BCAS1: variants seen among roughly 807,000 people sequenced by gnomAD.
The protein encoded by BCAS1 is brain enriched myelin associated protein 1.
BCAS1 carries 46 observed loss-of-function variants against 65.4 expected under a neutral mutation model. That is an observed-to-expected ratio of 0.70 (90% confidence interval 0.55 to 0.90). The LOEUF is 0.90. BCAS1 is among the 40% of genes least tolerant of loss of function. The pLI is 0.00. For missense variants in BCAS1, 793 were observed against 771.2 expected, an observed-to-expected ratio of 1.03 and a Z score of -0.33; for synonymous variants, 298 against 293.5, an observed-to-expected ratio of 1.02 and a Z score of -0.16.
At chr20:54,026,106 A>C (rs1321885890) in intron 4 of BCAS1, among the ~76,000 whole-genome samples, 1 of 152,244 alleles carries the variant, frequency 6.6e-6, no homozygotes, top group Admixed American at 6.5e-5. Context: ...ACAAAATCAG[A>C]TGCAGACTTC....
intron 3 of BCAS1, among the ~76,000 whole-genome samples, chr20:54,053,107 A>G (rs1017248575): frequency 1.3e-5 from 2 of 152,240 alleles, no homozygotes; most frequent in African/African-American, 4.8e-5. Context: ...ATCACATGGT[A>G]TGTTGTTTTA....
chr20:54,036,997 C>T (rs538707051), intron 3 of BCAS1, among the ~76,000 whole-genome samples: 1 of 151,338 alleles, frequency 6.6e-6, no homozygotes, highest in Admixed American at 6.6e-5. Context: ...TTTAAACATA[C>T]ATGCACACAC....
At chr20:54,061,726 C>A (rs143695854) in intron 1 of BCAS1, among the ~76,000 whole-genome samples, 185 of 152,310 alleles carry the variant, frequency 1.2e-3, no homozygotes, top group African/African-American at 4.3e-3. Flanking sequence ...CATAATAAAG[C>A]TGAGCACTGT....
At chr20:54,014,796 TCGA>T (rs1353536246) in intron 4 of BCAS1, among the ~76,000 whole-genome samples, 1 of 152,202 alleles carries the variant, frequency 6.6e-6, no homozygotes. Context: ...CACAGAGGGT[TCGA>T]TTTGCTGGAC....
At chr20:54,052,780 C>A (rs919455574) in intron 3 of BCAS1, among the ~76,000 whole-genome samples, 2 of 152,084 alleles carry the variant, frequency 1.3e-5, no homozygotes, top group African/African-American at 4.8e-5. Context: ...GACTTCCCAG[C>A]CTCTAGAACT....
intron 4 of BCAS1, among the ~76,000 whole-genome samples, chr20:54,008,388 T>C (rs2091248507): frequency 6.6e-6 from 1 of 152,152 alleles, no homozygotes; most frequent in Non-Finnish European, 1.5e-5. Flanking sequence ...CTCTCCCCAC[T>C]GGGGTGGTGT....
At chr20:53,953,096 C>T (rs572546350) in intron 12 of BCAS1, among the ~76,000 whole-genome samples, 2 of 152,330 alleles carry the variant, frequency 1.3e-5, no homozygotes, top group South Asian at 4.1e-4. Flanking sequence ...ATGACGATTA[C>T]TTCTACATGC....
intron 8 of BCAS1, among the ~76,000 whole-genome samples, chr20:53,977,544 T>C (rs2090365741): frequency 6.6e-6 from 1 of 152,228 alleles, no homozygotes; most frequent in African/African-American, 2.4e-5. Context: ...TTTTTATCTT[T>C]GATTGCCTGT....
intron 3 of BCAS1, among the ~76,000 whole-genome samples, chr20:54,044,138 G>C (rs79341680): frequency 0.01 from 1,539 of 152,316 alleles, 32 homozygotes; most frequent in African/African-American, 0.034. Flanking sequence ...TTGTAGGTGT[G>C]TTTATTCTAT....
intron 12 of BCAS1, 108 bp downstream of exon 12, chr20:53,953,324 G>A (rs758627293): frequency 1.5e-5 from 20 of 1,369,936 alleles, no homozygotes; most frequent in South Asian, 5.5e-5. Flanking sequence ...TGATAGACCC[G>A]GGATCCCAGT....
At chr20:53,954,150 C>T (rs2089621370) in intron 11 of BCAS1, among the ~76,000 whole-genome samples, 1 of 152,136 alleles carries the variant, frequency 6.6e-6, no homozygotes, top group Non-Finnish European at 1.5e-5. Flanking sequence ...CAGAGCTTTG[C>T]TGAAATGAGA....
At chr20:54,065,414 G>T (rs189303949) in intron 1 of BCAS1, among the ~76,000 whole-genome samples, 37 of 152,296 alleles carry the variant, frequency 2.4e-4, no homozygotes, top group African/African-American at 8.9e-4. Context: ...TTTTGGCCCC[G>T]AAGGGGCATT....
At chr20:53,947,879 T>C (rs1005897088) in intron 12 of BCAS1, among the ~76,000 whole-genome samples, 43 of 152,302 alleles carry the variant, frequency 2.8e-4, no homozygotes, top group African/African-American at 1.0e-3. Context: ...AAAATAGCCT[T>C]TCCTGACTAG....
chr20:54,017,912 A>AAAAC lies in BCAS1; in HGVS notation c.723+10476_723+10479dup, dbSNP rs374452989. Among the ~76,000 whole-genome samples the AAAAC allele has an allele frequency of 2.9e-3, 449 of 152,314 alleles. 1 individual carries two copies. Among genetic ancestry groups the AAAAC allele is most frequent in the African/African-American group, 0.01 (431 of 41,570 alleles). On this transcript the variant is annotated intron_variant, in intron 4 of 12. Coordinates refer to ENST00000688948, the MANE Select transcript of BCAS1 (RefSeq NM_001366298.2). ...ACGGAAAACAAACAAACAAAAACAA[A>AAAAC]AAACAAACAAAAACCACACCAGAAA... is the stretch of plus-strand genomic sequence containing the variant.
Position 54,028,896 on chromosome 20 carries a change from C to T in BCAS1, c.219G>A (p.Ala73=), listed in dbSNP as rs370776672. The part of the protein sequence containing the change: ...SPETTEISAV[A]DANGKNLGKE... ...TCCCAAGATTCTTTCCGTTGGCATC[C>T]GCAACAGCACTTATCTCCGTTGTCT... Residue 73 remains alanine (A), a synonymous_variant, in exon 4 of 13, where the codon GCG becomes GCA. Coordinates refer to ENST00000688948, the MANE Select transcript of BCAS1 (RefSeq NM_001366298.2). 35 of 1,613,902 alleles carry T rather than the reference C, an allele frequency of 2.2e-5. No homozygotes were observed. The highest frequency in any genetic ancestry group is 1.8e-4 in the Admixed American group (11 of 59,982).
intron 10 of BCAS1, 74 bp from the exon 11 acceptor site, chr20:53,957,571 G>C (rs1215353704): frequency 1.2e-5 from 17 of 1,369,576 alleles, no homozygotes; most frequent in Non-Finnish European, 1.8e-5. Context: ...GTTCTGAAAT[G>C]GATGATCTCA....
At chr20:53,976,504 C>A (rs1331923213) in intron 8 of BCAS1, among the ~76,000 whole-genome samples, 2 of 151,984 alleles carry the variant, frequency 1.3e-5, no homozygotes, top group Non-Finnish European at 2.9e-5. Context: ...CACTAGGCAT[C>A]TTGCGTTATA....
intron 3 of BCAS1, among the ~76,000 whole-genome samples, chr20:54,031,223 C>CA (rs530434629): frequency 6.6e-6 from 1 of 151,430 alleles, no homozygotes; most frequent in South Asian, 2.1e-4. Context: ...CCATGGACAA[C>CA]CTTTTTTATT....
At chr20:54,044,750 A>G (rs1024904665) in intron 3 of BCAS1, among the ~76,000 whole-genome samples, 12 of 151,682 alleles carry the variant, frequency 7.9e-5, no homozygotes, top group Admixed American at 2.0e-4. Context: ...AGGCATGACA[A>G]TCGCTTGAAC....
Sources: gnomAD v4.1 joint callset for allele counts (sites outside exome capture counted in the v4.1 genomes callset) on GRCh38, gnomAD v4.1.1 for gene constraint, MANE v1.5 for transcripts, NCBI Gene and HGNC (gene_info 2026-07-23, HGNC 2026-07-21) for gene names.